The following PGPEP1L variants were observed in gnomAD, a reference collection of about 807,000 sequenced individuals.
PGPEP1L encodes the protein pyroglutamyl-peptidase 1-like protein.
Under a neutral mutation model 6.0 loss-of-function variants are expected in PGPEP1L, and 7 were observed. The ratio of observed to expected loss-of-function variants is 1.17; its 90% CI spans 0.66 to 2.19. PGPEP1L has a LOEUF of 2.19. Ranked by LOEUF, PGPEP1L falls within the 30% of genes most tolerant of loss-of-function variation. PGPEP1L has a pLI of 0.00. For missense variants in PGPEP1L, 209 were observed against 192.5 expected, an observed-to-expected ratio of 1.09 and a Z score of -0.51; for synonymous variants, 103 against 83.9, an observed-to-expected ratio of 1.23 and a Z score of -1.24.
At chr15:98,985,575 CTT>C (rs938112541) in intron 2 of PGPEP1L, among the ~76,000 whole-genome samples, 1 of 152,188 alleles carries the variant, frequency 6.6e-6, no homozygotes, top group Admixed American at 6.5e-5. Flanking sequence ...AAAACCCACT[CTT>C]GTGCTAGAAG....
intron 2 of PGPEP1L, among the ~76,000 whole-genome samples, chr15:98,997,918 G>A (rs947446566): frequency 9.2e-5 from 14 of 152,102 alleles, no homozygotes; most frequent in Non-Finnish European, 1.9e-4. Context: ...AGAGGCAGGA[G>A]GGGCATGAGG....
At chr15:98,981,495 A>AAAAC (rs1555471082) in intron 2 of PGPEP1L, among the ~76,000 whole-genome samples, 1 of 147,196 alleles carries the variant, frequency 6.8e-6, no homozygotes, top group African/African-American at 2.6e-5. Flanking sequence ...GTCTCAAAAA[A>AAAAC]AAAAAAAAAA....
chr15:98,996,528 GTGTGTGT>G, intron 2 of PGPEP1L, among the ~76,000 whole-genome samples: 1 of 702 alleles, frequency 1.4e-3, no homozygotes, highest in East Asian at 0.023. Context: ...AGGGGTATGT[GTGTGTGT>G]GTGTGTGTGT....
At chr15:99,001,622 A>C (rs2017971574) in intron 2 of PGPEP1L, among the ~76,000 whole-genome samples, 1 of 152,256 alleles carries the variant, frequency 6.6e-6, no homozygotes, top group Non-Finnish European at 1.5e-5. Flanking sequence ...TGATACATAC[A>C]ACCTGGATGA....
At chr15:98,979,032 GATATATATAT>G (rs35480332) in intron 2 of PGPEP1L, among the ~76,000 whole-genome samples, 3 of 145,668 alleles carry the variant, frequency 2.1e-5, no homozygotes, top group African/African-American at 8.0e-5. Context: ...CTGGCTACAG[GATATATATAT>G]ATATATATTT....
rs762271156 is a variant in PGPEP1L at position 98,971,206 on chromosome 15, GGGGGT to G, written c.-141-53_-141-49del. Reference sequence around the variant, plus strand: ...TTGCCTCAGTTGATGGGGGGGGGGGGGGGGTGGGCACCAAGAGTCCCTGAAAACCC... The same window carrying G: ...TTGCCTCAGTTGATGGGGGGGGGGGGGGGCACCAAGAGTCCCTGAAAACCC... On this transcript the variant is annotated intron_variant, in intron 2 of 4. Transcript: ENST00000535714. 1.6e-3 allele frequency: 313 copies of G among 195,530 alleles called. 12 individuals are homozygous for G. Among genetic ancestry groups the G allele is most frequent in the African/African-American group, 0.013 (232 of 18,506 alleles). The allele number at this position is 195,530 out of a possible 1,614,324, so 12.1% of individuals were successfully genotyped here. A position where few individuals can be genotyped will look rare whatever the true frequency, so the allele number is the denominator to read the frequency against.
chr15:98,981,117 A>G (rs2017652247), intron 2 of PGPEP1L, among the ~76,000 whole-genome samples: 1 of 152,132 alleles, frequency 6.6e-6, no homozygotes, highest in African/African-American at 2.4e-5. Flanking sequence ...TGATCATGAG[A>G]AAAGCAGCAG....
intron 2 of PGPEP1L, among the ~76,000 whole-genome samples, chr15:99,003,619 C>G (rs555834876): frequency 2.6e-5 from 4 of 151,954 alleles, no homozygotes; most frequent in East Asian, 1.9e-4. Context: ...GATTTACACA[C>G]GAAGCAAATC....
Position 98,968,471 on chromosome 15 carries a change from C to T in PGPEP1L, c.*7G>A, listed in dbSNP as rs544264319. 1 of 1,610,898 alleles carries T rather than the reference C, an allele frequency of 6.2e-7. No homozygotes were observed. The highest frequency in any genetic ancestry group is 8.5e-7 in the Non-Finnish European group (1 of 1,178,384). Reference sequence around the variant, plus strand: ...ATTCAATTTTCTCTAGAGGAGCAATCCCCCGGTCAGTTCCCTTTGGCTGGA... The same window carrying T: ...ATTCAATTTTCTCTAGAGGAGCAATTCCCCGGTCAGTTCCCTTTGGCTGGA... On this transcript the variant is annotated 3_prime_UTR_variant, in exon 5 of 5. Transcript: ENST00000535714.
In PGPEP1L at chr15:98,979,677, G is replaced by C. The variant is rs1429106130; in HGVS notation, c.-141-8519C>G. On this transcript the variant is annotated intron_variant, in intron 2 of 4. Coordinates refer to ENST00000535714, the MANE Select transcript of PGPEP1L (RefSeq NM_001167902.2). ...TTTTTTTTTTTTTTTTGGAGACAGA[G>C]TCTCACTCTGTCACCCAGGCTGGCG... Among the ~76,000 whole-genome samples, 4 of 104,794 alleles carry C rather than the reference G, an allele frequency of 3.8e-5. No individual in the cohort carries two copies. The East Asian group carries it at 1.3e-3, about 34-fold the overall frequency. 68.7% of individuals were successfully genotyped at this position (104,794 alleles called of 152,430 possible).
chr15:99,006,727 G>A (rs1185045091), intron 1 of PGPEP1L, among the ~76,000 whole-genome samples: 5 of 152,224 alleles, frequency 3.3e-5, no homozygotes, highest in Non-Finnish European at 4.4e-5. Flanking sequence ...GAAGCGGGAG[G>A]ATCACTTGAG....
Position 98,968,321 on chromosome 15 carries a change from G to T in PGPEP1L, c.*157C>A. On this transcript the variant is annotated 3_prime_UTR_variant, in exon 5 of 5. Transcript: ENST00000535714. ...CACCTTTCAGAGTGTTCTTTCTCCTGACAATAAAATAACCCTTTGTGATTT... is the reference window on the plus strand; with the variant it reads ...CACCTTTCAGAGTGTTCTTTCTCCTTACAATAAAATAACCCTTTGTGATTT... The T allele has an allele frequency of 1.4e-6, 1 of 703,006 alleles. No homozygotes were observed. Among genetic ancestry groups the T allele is most frequent in the Non-Finnish European group, 2.4e-6 (1 of 420,818 alleles). The allele number at this position is 703,006 out of a possible 1,614,324, so 43.5% of individuals were successfully genotyped here.
chr15:99,000,096 AGCGCGAATTCCGGGTGG>A (rs2017940271), intron 2 of PGPEP1L, among the ~76,000 whole-genome samples: 1 of 152,232 alleles, frequency 6.6e-6, no homozygotes, highest in African/African-American at 2.4e-5. Flanking sequence ...CTTGCGGGCC[AGCGCGAATTCCGGGTGG>A]GCGTGGGCTC....
chr15:99,006,004 T>C (rs1252636717), intron 1 of PGPEP1L, among the ~76,000 whole-genome samples: 1 of 152,156 alleles, frequency 6.6e-6, no homozygotes, highest in Non-Finnish European at 1.5e-5. Context: ...TTGATTGCTC[T>C]GAAAACTAAT....
intron 2 of PGPEP1L, among the ~76,000 whole-genome samples, chr15:98,971,925 GTTTGTT>G (rs969171076): frequency 2.0e-5 from 3 of 152,178 alleles, no homozygotes; most frequent in African/African-American, 7.2e-5. Context: ...TTAAATTGTA[GTTTGTT>G]TTTGATACTT....
In PGPEP1L at chr15:98,991,513, G is replaced by A. The variant is rs146072148; in HGVS notation, c.-142+13916C>T. On this transcript the variant is annotated intron_variant, in intron 2 of 4. Transcript: ENST00000535714. Reference sequence around the variant, plus strand: ...TCCAGGACCAGATGGATTCATGGCCGAATTCTACTAGAGGTACAAAGAGGA... The same window carrying A: ...TCCAGGACCAGATGGATTCATGGCCAAATTCTACTAGAGGTACAAAGAGGA... Among the ~76,000 whole-genome samples, 392 of 152,232 alleles carry A rather than the reference G, an allele frequency of 2.6e-3. 1 individual carries two copies. Among genetic ancestry groups the A allele is most frequent in the African/African-American group, 8.6e-3 (358 of 41,550 alleles).
Position 98,968,383 on chromosome 15 carries a change from T to G in PGPEP1L, c.*95A>C. 7.8e-7 allele frequency: 1 copy of G among 1,289,018 alleles called. No individual in the cohort carries two copies. Among genetic ancestry groups the G allele is most frequent in the Non-Finnish European group, 1.1e-6 (1 of 922,314 alleles). 79.8% of individuals were successfully genotyped at this position (1,289,018 alleles called of 1,614,324 possible). ...TTCAGAGTTTTCCACCCTCTTTGTC[T>G]TACAAGCAATTTTTGAAAAAGTTTC... On this transcript the variant is annotated 3_prime_UTR_variant, in exon 5 of 5. Coordinates refer to ENST00000535714, the MANE Select transcript of PGPEP1L (RefSeq NM_001167902.2).
intron 2 of PGPEP1L, among the ~76,000 whole-genome samples, chr15:98,999,002 G>T (rs993662002): frequency 1.2e-4 from 18 of 152,098 alleles, no homozygotes; most frequent in Non-Finnish European, 2.2e-4. Context: ...TAAGTTTTTT[G>T]GGGGGAAGGA....
intron 2 of PGPEP1L, among the ~76,000 whole-genome samples, chr15:99,001,026 C>A (rs78254217): frequency 6.6e-6 from 1 of 152,060 alleles, no homozygotes; most frequent in Non-Finnish European, 1.5e-5. Flanking sequence ...ACTCCAGACA[C>A]GCTGCCTTAA....
Sources: gnomAD v4.1 joint callset for allele counts (sites outside exome capture counted in the v4.1 genomes callset) on GRCh38, gnomAD v4.1.1 for gene constraint, MANE v1.5 for transcripts, NCBI Gene and HGNC (gene_info 2026-07-23, HGNC 2026-07-21) for gene names.